Variants in GRIK4 observed in about 807,000 individuals in gnomAD.
GRIK4 encodes the protein glutamate ionotropic receptor kainate type subunit 4.
A neutral mutation model predicts 104.9 loss-of-function variants in GRIK4; 40 were observed. That is an observed-to-expected ratio of 0.38 (90% CI 0.30 to 0.50). The LOEUF is 0.50. Ranked by LOEUF, GRIK4 falls within the 20% of genes least tolerant of loss-of-function variation. GRIK4 has a pLI of 0.93. For missense variants in GRIK4, 1,047 were observed against 1,308.1 expected (o/e 0.80, Z 3.08); for synonymous variants, 485 against 524.9 (o/e 0.92, Z 1.04).
chr11:120,679,716 T>TA (rs909831198), intron 3 of GRIK4, among the ~76,000 whole-genome samples: 2 of 152,176 alleles, frequency 1.3e-5, no homozygotes, highest in African/African-American at 4.8e-5. Flanking sequence ...TCAGACATGC[T>TA]AACCTTTGGG....
chr11:120,791,159 T>C (rs1952386172), intron 3 of GRIK4, among the ~76,000 whole-genome samples: 1 of 151,818 alleles, frequency 6.6e-6, no homozygotes, highest in African/African-American at 2.4e-5. Context: ...GGGTGTAAAA[T>C]TGGGGGACAC....
intron 16 of GRIK4, among the ~76,000 whole-genome samples, chr11:120,959,237 A>G (rs1472004283): frequency 1.3e-5 from 2 of 152,110 alleles, no homozygotes; most frequent in Non-Finnish European, 2.9e-5. Context: ...GTTTTCCCCC[A>G]CATTCTCACA....
At chr11:120,936,198 AT>A in intron 13 of GRIK4, 6 of 343,842 alleles carry the variant, frequency 1.7e-5, no homozygotes, top group Admixed American at 7.1e-5. Context: ...ATCCTTTGGC[AT>A]TTTTCCTCCA....
At chr11:120,798,921 G>A (rs1952573187) in intron 3 of GRIK4, among the ~76,000 whole-genome samples, 1 of 152,170 alleles carries the variant, frequency 6.6e-6, no homozygotes, top group Non-Finnish European at 1.5e-5. Context: ...GGTGGGACCT[G>A]CTGAAGTCCA....
intron 16 of GRIK4, among the ~76,000 whole-genome samples, chr11:120,958,355 G>A (rs1238284534): frequency 6.6e-6 from 1 of 152,274 alleles, no homozygotes; most frequent in East Asian, 1.9e-4. Flanking sequence ...CCAGAGCTGT[G>A]TGAGAAGGGG....
intron 2 of GRIK4, among the ~76,000 whole-genome samples, chr11:120,658,835 A>G (rs1396601333): frequency 8.1e-6 from 1 of 123,510 alleles, no homozygotes; most frequent in Non-Finnish European, 1.6e-5. Flanking sequence ...TGCAAGCTCC[A>G]CCTCCCCGGT....
intron 10 of GRIK4, 93 bp downstream of exon 10, chr11:120,874,311 G>A: frequency 1.0e-6 from 1 of 998,840 alleles, no homozygotes; most frequent in Non-Finnish European, 1.5e-6. Context: ...CTCCAGGCTT[G>A]CTCGAAATGT....
intron 3 of GRIK4, among the ~76,000 whole-genome samples, chr11:120,754,197 A>G (rs1030250499): frequency 2.6e-5 from 4 of 151,902 alleles, no homozygotes; most frequent in African/African-American, 9.7e-5. Flanking sequence ...TGCCAAGCTA[A>G]TTTTTGTATT....
chr11:120,860,004 A>C (rs1400299580), intron 8 of GRIK4, among the ~76,000 whole-genome samples: 1 of 152,160 alleles, frequency 6.6e-6, no homozygotes, highest in Non-Finnish European at 1.5e-5. Flanking sequence ...CAAGGATGCA[A>C]GGGTGGCGCC....
chr11:120,872,263 T>A (rs1954629403), intron 9 of GRIK4: 1 of 282,060 alleles, frequency 3.5e-6, no homozygotes, highest in African/African-American at 2.2e-5. Flanking sequence ...CTGGGATCAC[T>A]CAGCACATAG....
Position 120,650,970 on chromosome 11 carries a change from T to C in GRIK4, c.-158-2715T>C, listed in dbSNP as rs140176300. ...GAAATGGAAGCCCCAAGAGGTTATG[T>C]GATGGGTCCAAGGTCACGCAGCCCT... is the stretch of plus-strand genomic sequence containing the variant. On this transcript the variant is annotated intron_variant, in intron 1 of 20. Coordinates refer to ENST00000527524, the MANE Select transcript of GRIK4 (RefSeq NM_014619.5). 2.9e-3 allele frequency among the ~76,000 whole-genome samples: 437 copies of C among 152,302 alleles called. 1 individual carries two copies. Among genetic ancestry groups the C allele is most frequent in the Non-Finnish European group, 5.2e-3 (353 of 68,026 alleles).
At chr11:120,677,738 AT>A (rs570919901) in intron 3 of GRIK4, among the ~76,000 whole-genome samples, 15 of 152,174 alleles carry the variant, frequency 9.9e-5, no homozygotes, top group Non-Finnish European at 2.1e-4. Flanking sequence ...GGACATTGCC[AT>A]TTTGCGCCTC....
At chr11:120,635,449 C>G (rs1241232720) in intron 1 of GRIK4, among the ~76,000 whole-genome samples, 2 of 152,174 alleles carry the variant, frequency 1.3e-5, no homozygotes, top group Non-Finnish European at 2.9e-5. Context: ...TGGAGAGTGC[C>G]CCCAGCCCCA....
At chr11:120,645,798 G>A (rs952950039) in intron 1 of GRIK4, among the ~76,000 whole-genome samples, 9 of 152,198 alleles carry the variant, frequency 5.9e-5, no homozygotes, top group African/African-American at 1.7e-4. Flanking sequence ...GCTGGAAAAC[G>A]AAAGCATTGG....
rs147123122 is a variant in GRIK4 at position 120,697,492 on chromosome 11, G to A, written c.82+37092G>A. On this transcript the variant is annotated intron_variant, in intron 3 of 20. Transcript: ENST00000527524. ...TAGCTGGGTACGGTGGCATGCGCCT[G>A]TAATCCTAGCTACTGGGGAGGCTGA... Among the ~76,000 whole-genome samples the A allele has an allele frequency of 4.9e-3, 750 of 152,314 alleles. 5 individuals are homozygous for A. Among genetic ancestry groups the A allele is most frequent in the African/African-American group, 0.012 (511 of 41,572 alleles).
chr11:120,726,764 G>A (rs1477724046), intron 3 of GRIK4, among the ~76,000 whole-genome samples: 1 of 152,130 alleles, frequency 6.6e-6, no homozygotes. Context: ...GCAGGCTGGG[G>A]ATAAACATTT....
At chr11:120,566,546 C>T (rs1184469396) in intron 1 of GRIK4, among the ~76,000 whole-genome samples, 1 of 152,164 alleles carries the variant, frequency 6.6e-6, no homozygotes, top group African/African-American at 2.4e-5. Flanking sequence ...CATACTGTTC[C>T]AACAACTTGT....
chr11:120,689,388 A>G (rs949133773), intron 3 of GRIK4, among the ~76,000 whole-genome samples: 10 of 152,046 alleles, frequency 6.6e-5, no homozygotes, highest in African/African-American at 2.2e-4. Context: ...GGAATTTCTT[A>G]GGGTTTCTCT....
At chr11:120,541,693 A>G (rs902434725) in intron 1 of GRIK4, among the ~76,000 whole-genome samples, 1 of 151,966 alleles carries the variant, frequency 6.6e-6, no homozygotes, top group African/African-American at 2.4e-5. Context: ...GGGTTTTGCC[A>G]TGTTGCTTAG....
Sources: gnomAD v4.1 joint callset for allele counts (sites outside exome capture counted in the v4.1 genomes callset) on GRCh38, gnomAD v4.1.1 for gene constraint, MANE v1.5 for transcripts, NCBI Gene and HGNC (gene_info 2026-07-23, HGNC 2026-07-21) for gene names.